TSPAN11: variants seen among roughly 807,000 people sequenced by gnomAD.
TSPAN11 encodes tetraspanin 11, also known as tetraspanin-11.
Under a neutral mutation model 32.9 loss-of-function variants are expected in TSPAN11, and 29 were observed. The observed-to-expected ratio is 0.88, with a 90% confidence interval of 0.66 to 1.20. TSPAN11 has a LOEUF of 1.20. TSPAN11 is among the 50% of genes most tolerant of loss of function. The pLI, the probability that TSPAN11 is intolerant of heterozygous loss-of-function variation, is 0.00. For missense variants in TSPAN11, 283 were observed against 329.1 expected (o/e 0.86, Z 1.08); for synonymous variants, 140 against 141.3 (o/e 0.99, Z 0.07).
chr12:30,983,428 A>G (rs1448875049), intron 7 of TSPAN11, among the ~76,000 whole-genome samples: 3 of 152,120 alleles, frequency 2.0e-5, no homozygotes, highest in African/African-American at 7.2e-5. Flanking sequence ...AGGTATGTGC[A>G]TGCACCCCAT....
Position 30,992,213 on chromosome 12 carries a change from C to A in TSPAN11, c.*298C>A, listed in dbSNP as rs963392191. 3 of 476,300 alleles carry A rather than the reference C, an allele frequency of 6.3e-6. No homozygotes were observed. The East Asian group carries it at 1.1e-4, about 17-fold the overall frequency. 29.5% of individuals were successfully genotyped at this position (476,300 alleles called of 1,614,324 possible). ...CAGGAACGGGGGCACCCGTGGACTACGGGAGGGTGGCGGTTGGGTTCTCTG... is the reference window on the plus strand; with the variant it reads ...CAGGAACGGGGGCACCCGTGGACTAAGGGAGGGTGGCGGTTGGGTTCTCTG... On this transcript the variant is annotated 3_prime_UTR_variant, in exon 8 of 8. Coordinates refer to ENST00000546076, the MANE Select transcript of TSPAN11 (RefSeq NM_001370302.1).
At chr12:30,983,820 T>C (rs1217561266) in intron 7 of TSPAN11, among the ~76,000 whole-genome samples, 1 of 152,164 alleles carries the variant, frequency 6.6e-6, no homozygotes, top group East Asian at 1.9e-4. Context: ...AGTTAAGGTA[T>C]TATATAGGGG....
At chr12:30,950,019 C>T (rs118155492) in intron 1 of TSPAN11, among the ~76,000 whole-genome samples, 9,622 of 152,078 alleles carry the variant, frequency 0.063, 363 homozygotes, top group Non-Finnish European at 0.083. Flanking sequence ...TCTTTCCTCC[C>T]CTGCCTCTTA....
At chr12:31,010,506 A>G in the TSPAN11 span, among the ~76,000 whole-genome samples, 2 of 152,128 alleles carry the variant, frequency 1.3e-5, no homozygotes, top group Non-Finnish European at 2.9e-5. Flanking sequence ...TTTAAAGCAG[A>G]TCTCAGGCTG....
At chr12:30,978,902 T>A in intron 4 of TSPAN11, 2 of 492,046 alleles carry the variant, frequency 4.1e-6, no homozygotes, top group Non-Finnish European at 7.3e-6. Context: ...CCCTCTCCCC[T>A]TCCAAGAATG....
chr12:30,938,239 G>A (rs992343422), intron 1 of TSPAN11, among the ~76,000 whole-genome samples: 2 of 152,206 alleles, frequency 1.3e-5, no homozygotes, highest in Admixed American at 6.5e-5. Context: ...AGGCTTGTCT[G>A]TTTAAAGAGA....
intron 1 of TSPAN11, among the ~76,000 whole-genome samples, chr12:30,952,008 CCACTAA>C (rs1426283622): frequency 6.6e-6 from 1 of 152,216 alleles, no homozygotes; most frequent in African/African-American, 2.4e-5. Context: ...ATTTTCCCCA[CCACTAA>C]TGACTGAAAT....
chr12:30,990,011 G>C (rs1939279195), intron 7 of TSPAN11, among the ~76,000 whole-genome samples: 2 of 152,184 alleles, frequency 1.3e-5, no homozygotes, highest in South Asian at 4.1e-4. Flanking sequence ...TGTGCCCCCT[G>C]TTGGCTGCTG....
Position 30,982,815 on chromosome 12 carries a change from G to C in TSPAN11, c.615+125G>C, listed in dbSNP as rs1471011200. 8.0e-6 allele frequency: 11 copies of C among 1,369,356 alleles called. No individual in the cohort carries two copies. The South Asian group carries it at 1.3e-4, about 16-fold the overall frequency. The allele number at this position is 1,369,356 out of a possible 1,614,324, so 84.8% of individuals were successfully genotyped here. The stretch of plus-strand genomic sequence containing the variant: ...CAGGACACATGTGCTCCTTGGCCAC[G>C]AGCCCACAGTGTCTGGGGCTTTCCA... On this transcript the variant is annotated intron_variant, in intron 6 of 7. Coordinates refer to ENST00000546076, the MANE Select transcript of TSPAN11 (RefSeq NM_001370302.1).
chr12:30,983,553 ATGTG>A lies in TSPAN11; in HGVS notation c.702+410_702+413del, dbSNP rs375417406. Among the ~76,000 whole-genome samples the A allele has an allele frequency of 4.7e-3, 722 of 152,084 alleles. 5 individuals carry two copies. Among genetic ancestry groups the A allele is most frequent in the African/African-American group, 0.016 (674 of 41,490 alleles). The stretch of plus-strand genomic sequence containing the variant: ...TATATGTGTTTAGGGGTGCTTGTGC[ATGTG>A]TGTGTGAGTGTGCACGTATCTGCAT... On this transcript the variant is annotated intron_variant, in intron 7 of 7. Transcript: ENST00000546076.
chr12:30,978,929 C>T, intron 4 of TSPAN11: 1 of 432,072 alleles, frequency 2.3e-6, no homozygotes, highest in African/African-American at 1.9e-5. Flanking sequence ...AGGATGAATC[C>T]ATCTGTCAGA....
In TSPAN11 at chr12:30,982,463, T is replaced by C. The variant is rs1183181461; in HGVS notation, c.457-69T>C. 14 of 1,535,532 alleles carry C rather than the reference T, an allele frequency of 9.1e-6. No homozygotes were observed. In the Admixed American group the frequency reaches 9.9e-5, roughly 11 times the overall value. On this transcript the variant is annotated intron_variant, in intron 5 of 7. Transcript: ENST00000546076. The stretch of plus-strand genomic sequence containing the variant: ...AGGGGTTGGGTTAGTATTTGAATAA[T>C]GTGTCCTGCAGCCTGGGACCCTACG...
At chr12:30,970,440 C>G (rs1376844179) in intron 3 of TSPAN11, among the ~76,000 whole-genome samples, 1 of 152,202 alleles carries the variant, frequency 6.6e-6, no homozygotes, top group Non-Finnish European at 1.5e-5. Flanking sequence ...CCTTAGACCC[C>G]CAACATTTGG....
chr12:30,974,825 G>A (rs748270981), intron 3 of TSPAN11, among the ~76,000 whole-genome samples: 24 of 152,254 alleles, frequency 1.6e-4, no homozygotes, highest in Admixed American at 1.3e-4. Flanking sequence ...GCAGGCGAAG[G>A]GGAGGGACAC....
chr12:30,953,806 G>T (rs1938428809), intron 1 of TSPAN11, among the ~76,000 whole-genome samples, 175 bp from the exon 2 acceptor site: 2 of 152,176 alleles, frequency 1.3e-5, no homozygotes, highest in South Asian at 2.1e-4. Context: ...CCTCTATTTG[G>T]TCTCCTTAGC....
rs1435394515 is a variant in TSPAN11, at chr12:30,992,245, C to T, written c.*330C>T. On this transcript the variant is annotated 3_prime_UTR_variant, in exon 8 of 8. Coordinates refer to ENST00000546076, the MANE Select transcript of TSPAN11 (RefSeq NM_001370302.1). ...GTGGCGGTTGGGTTCTCTGCTCCCT[C>T]CCAGCTCCTGAACCTGGAACAATCG... The T allele has an allele frequency of 2.5e-6, 1 of 400,234 alleles. No individual in the cohort carries two copies. The highest frequency in any genetic ancestry group is 2.0e-5 in the African/African-American group (1 of 50,230). 24.8% of individuals were successfully genotyped at this position (400,234 alleles called of 1,614,324 possible).
chr12:30,985,728 G>A (rs1367752506), intron 7 of TSPAN11, among the ~76,000 whole-genome samples: 1 of 152,342 alleles, frequency 6.6e-6, no homozygotes, highest in Non-Finnish European at 1.5e-5. Context: ...GCAGACGAGG[G>A]CAGTGAGGCT....
At chr12:30,957,228 A>ACCCCCCCCCCC (rs56296744) in intron 2 of TSPAN11, among the ~76,000 whole-genome samples, 12 of 107,472 alleles carry the variant, frequency 1.1e-4, no homozygotes, top group Non-Finnish European at 2.4e-4. Flanking sequence ...ATGGCCTGGG[A>ACCCCCCCCCCC]CCCCCCCCCC....
At chr12:30,941,213 G>A (rs185959993) in intron 1 of TSPAN11, among the ~76,000 whole-genome samples, 36 of 152,276 alleles carry the variant, frequency 2.4e-4, no homozygotes, top group Admixed American at 4.6e-4. Context: ...ACAGAGGGCC[G>A]ACTTTTCACA....
Sources: gnomAD v4.1 joint callset for allele counts (sites outside exome capture counted in the v4.1 genomes callset) on GRCh38, gnomAD v4.1.1 for gene constraint, MANE v1.5 for transcripts, NCBI Gene and HGNC (gene_info 2026-07-23, HGNC 2026-07-21) for gene names.